Variants in ACO1 observed in about 807,000 individuals in gnomAD.
ACO1 encodes the protein cytoplasmic aconitate hydratase.
In ACO1, 78 loss-of-function variants were observed where a neutral mutation model predicts 105.1. That is an observed-to-expected ratio of 0.74 (90% CI 0.62 to 0.90). The LOEUF (loss-of-function observed/expected upper bound fraction) is 0.90, where lower values mean the gene tolerates loss of function less well. Ranked by LOEUF, ACO1 falls within the 40% of genes least tolerant of loss-of-function variation. ACO1 has a pLI of 0.00. For synonymous variants in ACO1, 364 were observed against 397.4 expected (o/e 0.92, Z 1.00); for missense variants, 965 against 1,111.1 (o/e 0.87, Z 1.87).
Position 32,430,586 on chromosome 9 carries a change from T to A in ACO1, c.1726+12T>A, listed in dbSNP as rs751367163. The A allele has an allele frequency of 2.5e-6, 4 of 1,591,464 alleles. No individual in the cohort carries two copies. The South Asian group carries it at 3.5e-5, about 14-fold the overall frequency. On this transcript the variant is annotated intron_variant, in intron 14 of 20. Transcript: ENST00000309951. ...GAAAGAGCCATTGGGTAAGATTTTG[T>A]TTGTGCAGCCATAATTTTTTTCCAG... is the stretch of plus-strand genomic sequence containing the variant.
intron 1 of ACO1, among the ~76,000 whole-genome samples, chr9:32,385,085 G>A (rs1203296002): frequency 6.6e-6 from 1 of 152,214 alleles, no homozygotes; most frequent in Non-Finnish European, 1.5e-5. Flanking sequence ...CCCGCACTGG[G>A]AGTCCTCGCC....
intron 10 of ACO1, 37 bp from the exon 11 acceptor site, chr9:32,425,801 T>C (rs757787003): frequency 1.5e-5 from 21 of 1,414,438 alleles, no homozygotes; most frequent in Non-Finnish European, 1.8e-5. Context: ...CTTATATAAA[T>C]ATATTCCTAT....
intron 9 of ACO1, among the ~76,000 whole-genome samples, chr9:32,424,255 GA>G: frequency 6.6e-6 from 1 of 152,322 alleles, no homozygotes; most frequent in East Asian, 1.9e-4. Context: ...TGCCTCCAAG[GA>G]TGGGCGAGTG....
chr9:32,433,648 G>A (rs746575521), intron 15 of ACO1, 80 bp from the exon 16 acceptor site: 20 of 1,062,452 alleles, frequency 1.9e-5, no homozygotes, highest in Non-Finnish European at 2.6e-5. Context: ...CTTTTAGCTT[G>A]AATGTATGTT....
intron 4 of ACO1, among the ~76,000 whole-genome samples, chr9:32,415,747 C>T (rs377192972): frequency 2.0e-5 from 3 of 152,104 alleles, no homozygotes; most frequent in South Asian, 4.2e-4. Flanking sequence ...TTGCTCTTCT[C>T]GAACATGTAC....
At chr9:32,399,039 A>T (rs1388685736) in intron 1 of ACO1, among the ~76,000 whole-genome samples, 2 of 152,212 alleles carry the variant, frequency 1.3e-5, no homozygotes, top group Admixed American at 1.3e-4. Context: ...CCTTGCTATA[A>T]TTCACTAGGC....
At chr9:32,448,575 A>G (rs1587561681) in intron 19 of ACO1, among the ~76,000 whole-genome samples, 1 of 152,178 alleles carries the variant, frequency 6.6e-6, no homozygotes, top group East Asian at 1.9e-4. Flanking sequence ...TCCTCCTGGT[A>G]CAGTCTCTCA....
intron 2 of ACO1, among the ~76,000 whole-genome samples, chr9:32,406,145 A>G (rs1821604329): frequency 6.6e-6 from 1 of 152,248 alleles, no homozygotes; most frequent in Non-Finnish European, 1.5e-5. Context: ...TAGGAACTCC[A>G]GTTACCACTG....
chr9:32,449,094 C>T lies in ACO1; in HGVS notation c.2556+13C>T, dbSNP rs1822695862. The T allele has an allele frequency of 3.8e-6, 6 of 1,584,886 alleles. No homozygotes were observed. Among genetic ancestry groups the T allele is most frequent in the Non-Finnish European group, 5.2e-6 (6 of 1,164,850 alleles). On this transcript the variant is annotated intron_variant, in intron 20 of 20. Transcript: ENST00000309951. ...AGTCCAGGTCAAGGTAAGCTGGAGC[C>T]TCTCTATGCCAGGCCCTGTCGAAAG...
At position 32,453,863 on chromosome 9, in the gene ACO1, A is replaced by T. The variant is rs990617581; in HGVS notation, c.*3752A>T. 6.6e-6 allele frequency: 1 copy of T among 152,250 alleles called. No homozygotes were observed. Among genetic ancestry groups the T allele is most frequent in the African/African-American group, 2.4e-5 (1 of 41,472 alleles). 9.4% of individuals were successfully genotyped at this position (152,250 alleles called of 1,614,324 possible). A position where few individuals can be genotyped will look rare whatever the true frequency, so the allele number is the denominator to read the frequency against. ...AGTTTGTGTTCAACCAGACAGCGTCATTATGAACAAAGATTATATAACGAT... is the reference window on the plus strand; with the variant it reads ...AGTTTGTGTTCAACCAGACAGCGTCTTTATGAACAAAGATTATATAACGAT... On this transcript the variant is annotated 3_prime_UTR_variant, in exon 21 of 21. Coordinates refer to ENST00000309951, the MANE Select transcript of ACO1 (RefSeq NM_002197.3).
At chr9:32,393,682 G>A (rs1198287397) in intron 1 of ACO1, among the ~76,000 whole-genome samples, 2 of 152,016 alleles carry the variant, frequency 1.3e-5, no homozygotes, top group South Asian at 2.1e-4. Context: ...AGAACCTGCC[G>A]ACATGTGATG....
intron 4 of ACO1, among the ~76,000 whole-genome samples, chr9:32,415,523 G>A (rs1821828886): frequency 6.6e-6 from 1 of 152,174 alleles, no homozygotes; most frequent in Admixed American, 6.5e-5. Flanking sequence ...TGGTGCGCAT[G>A]CCCGAAACAC....
At chr9:32,391,382 G>T (rs1821264429) in intron 1 of ACO1, among the ~76,000 whole-genome samples, 1 of 152,204 alleles carries the variant, frequency 6.6e-6, no homozygotes, top group African/African-American at 2.4e-5. Context: ...TTGGGAGACG[G>T]AACAGGTTCT....
intron 1 of ACO1, among the ~76,000 whole-genome samples, chr9:32,393,200 A>T (rs1251523506): frequency 6.6e-6 from 1 of 152,196 alleles, no homozygotes; most frequent in Non-Finnish European, 1.5e-5. Flanking sequence ...CTTCTTTCTA[A>T]AGCAAATGGG....
chr9:32,448,647 G>A (rs918169582), intron 19 of ACO1, among the ~76,000 whole-genome samples: 4 of 152,084 alleles, frequency 2.6e-5, no homozygotes, highest in South Asian at 2.1e-4. Flanking sequence ...GTGAGGTGAC[G>A]CCCCACCCCA....
rs1443883417 is a variant in ACO1, at chr9:32,418,259, T to C, written c.474+62T>C. On this transcript the variant is annotated intron_variant, in intron 5 of 20. Coordinates refer to ENST00000309951, the MANE Select transcript of ACO1 (RefSeq NM_002197.3). ...TTGTAGGCAGGGTACGAGGGAGAGA[T>C]GCCAAGGAGATGGGCTGAGTAGAAG... 5 of 1,612,436 alleles carry C rather than the reference T, an allele frequency of 3.1e-6. No individual in the cohort carries two copies. The African/African-American group carries it at 5.3e-5, about 17-fold the overall frequency.
intron 1 of ACO1, among the ~76,000 whole-genome samples, chr9:32,396,088 T>C (rs775035312): frequency 6.6e-6 from 1 of 152,214 alleles, no homozygotes; most frequent in Non-Finnish European, 1.5e-5. Context: ...ATGATCATTT[T>C]TGTGATACAT....
Position 32,436,261 on chromosome 9 carries a change from G to A in ACO1, c.2111G>A (p.Arg704Gln), listed in dbSNP as rs1358395100. ...RYLTNRGLTP[R>Q]EFNSYGSRRG... is the part of the protein sequence containing the mutation. ...GCTTGCCTTCTTAGCCTAACTCCAC[G>A]AGAATTCAACTCCTATGGCTCCCGC... Residue 704 changes from arginine to glutamine, a missense_variant, in exon 18 of 21, where the codon CGA (arginine) becomes CAA (glutamine). Transcript: ENST00000309951. 7.4e-6 allele frequency: 12 copies of A among 1,613,900 alleles called. No individual in the cohort carries two copies. Among genetic ancestry groups the A allele is most frequent in the African/African-American group, 5.3e-5 (4 of 74,896 alleles).
At chr9:32,441,780 C>T (rs1822486366) in intron 19 of ACO1, among the ~76,000 whole-genome samples, 1 of 152,212 alleles carries the variant, frequency 6.6e-6, no homozygotes, top group Admixed American at 6.5e-5. Context: ...TTCTATAGAA[C>T]CGCTTGAGTT....
Sources: gnomAD v4.1 joint callset for allele counts (sites outside exome capture counted in the v4.1 genomes callset) on GRCh38, gnomAD v4.1.1 for gene constraint, MANE v1.5 for transcripts, NCBI Gene and HGNC (gene_info 2026-07-23, HGNC 2026-07-21) for gene names.